Variants in SNX10 observed in about 807,000 individuals in gnomAD.
SNX10 encodes sorting nexin 10.
A neutral mutation model predicts 28.5 loss-of-function variants in SNX10; 25 were observed. The observed-to-expected ratio is 0.88, with a 90% confidence interval of 0.64 to 1.22. The LOEUF (loss-of-function observed/expected upper bound fraction) is 1.22. Among genes scored for constraint, SNX10 ranks in the 50% most tolerant of loss-of-function variants. The pLI, the probability that SNX10 is intolerant of heterozygous loss-of-function variation, is 0.00. For missense variants in SNX10, 223 were observed against 242.6 expected (o/e 0.92, Z 0.54); for synonymous variants, 62 against 81.4 (o/e 0.76, Z 1.28).
chr7:26,311,510 G>T (rs915441224), intron 1 of SNX10, among the ~76,000 whole-genome samples: 1 of 152,124 alleles, frequency 6.6e-6, no homozygotes, highest in Non-Finnish European at 1.5e-5. Flanking sequence ...CTGTTGCACT[G>T]GGGGGAGGGA....
Position 26,345,083 on chromosome 7 carries a change from A to G in SNX10, c.-23-1337A>G, listed in dbSNP as rs570299737. On this transcript the variant is annotated intron_variant, in intron 1 of 6. Transcript: ENST00000338523. ...TCTTTCTCTTATATGGGCACTTGCC[A>G]TCAGATTTAGGGTTCACTCCAGTCA... Among the ~76,000 whole-genome samples the G allele has an allele frequency of 3.9e-5, 6 of 152,254 alleles. No homozygotes were observed. The South Asian group carries it at 1.2e-3, about 32-fold the overall frequency.
intron 1 of SNX10, among the ~76,000 whole-genome samples, chr7:26,311,946 A>G (rs1353910735): frequency 2.0e-5 from 3 of 152,064 alleles, no homozygotes; most frequent in African/African-American, 7.3e-5. Context: ...TTGTGTCTGC[A>G]CCAGGCTCTG....
Position 26,367,662 on chromosome 7 carries a change from C to G in SNX10, c.311+2517C>G, listed in dbSNP as rs34132944. Among the ~76,000 whole-genome samples, 911 of 152,212 alleles carry G rather than the reference C, an allele frequency of 6.0e-3. 4 individuals are homozygous for G. The highest frequency in any genetic ancestry group is 9.3e-3 in the Non-Finnish European group (634 of 68,014). The stretch of plus-strand genomic sequence containing the variant: ...AGGTAGTACCCTCCATGTCTTTGCC[C>G]CTGGTGCCCCCTCCCCTCACCCAAC... On this transcript the variant is annotated intron_variant, in intron 5 of 6. Transcript: ENST00000338523.
At chr7:26,368,226 G>T (rs1336905421) in intron 5 of SNX10, among the ~76,000 whole-genome samples, 4 of 152,170 alleles carry the variant, frequency 2.6e-5, no homozygotes, top group African/African-American at 9.7e-5. Context: ...TTATAGGAAA[G>T]ATGGACATAC....
intron 1 of SNX10, among the ~76,000 whole-genome samples, chr7:26,325,306 A>AATATATATATATATCTATAT (rs1787459032): frequency 1.9e-5 from 1 of 51,334 alleles, no homozygotes; most frequent in Non-Finnish European, 5.6e-5. Flanking sequence ...AAGTTTGCAA[A>AATATATATATATATCTATAT]ATATATATAT....
At chr7:26,363,307 G>A (rs1473640693) in intron 3 of SNX10, among the ~76,000 whole-genome samples, 3 of 152,130 alleles carry the variant, frequency 2.0e-5, no homozygotes, top group Middle Eastern at 3.2e-3. Context: ...CAAAGCATAA[G>A]CATACCAGGA....
chr7:26,309,099 C>T (rs1342042880), intron 1 of SNX10, among the ~76,000 whole-genome samples: 1 of 152,180 alleles, frequency 6.6e-6, no homozygotes, highest in Admixed American at 6.5e-5. Flanking sequence ...TCATGGGGGA[C>T]TGGGCCCCTC....
Position 26,365,094 on chromosome 7 carries a change from A to ACG in SNX10, c.260_261insCG (p.Arg88ValfsTer39). 6.2e-7 allele frequency: 1 copy of ACG among 1,613,466 alleles called. No homozygotes were observed. Among genetic ancestry groups the ACG allele is most frequent in the Non-Finnish European group, 8.5e-7 (1 of 1,179,414 alleles). ...AAAAACCTGTTTTTCAACATGAACA[A>ACG]TCGCCAGCACGTGGATCAGCGTCGC... On this transcript the variant is annotated frameshift_variant, in exon 5 of 7. Coordinates refer to ENST00000338523, the MANE Select transcript of SNX10 (RefSeq NM_013322.3). LOFTEE classifies it high-confidence loss of function.
intron 1 of SNX10, among the ~76,000 whole-genome samples, chr7:26,321,261 A>G (rs958040331): frequency 5.9e-5 from 9 of 152,122 alleles, no homozygotes; most frequent in African/African-American, 1.7e-4. Flanking sequence ...ATTTCTGCCT[A>G]TTTCATCCTT....
chr7:26,296,270 A>G (rs1367882062), intron 1 of SNX10, among the ~76,000 whole-genome samples: 1 of 151,714 alleles, frequency 6.6e-6, no homozygotes, highest in Non-Finnish European at 1.5e-5. Context: ...AGACTAAAAG[A>G]GTTGGGTTCT....
chr7:26,344,152 A>C (rs944015370), intron 1 of SNX10, among the ~76,000 whole-genome samples: 4 of 128,212 alleles, frequency 3.1e-5, no homozygotes, highest in African/African-American at 8.8e-5. Flanking sequence ...CTTGGCAGCC[A>C]CCATTCTACT....
rs1205002207 is a variant in SNX10, at chr7:26,365,080, T to G, written c.246T>G (p.Phe82Leu). The change falls in exon 5 of 7, where the codon TTT becomes TTG. Residue 82 changes from phenylalanine (F) to leucine (L), a missense_variant. Transcript: ENST00000338523. ...QLPELPSKNLFFNMNNRQHVD... is the reference protein window; with the variant it reads ...QLPELPSKNLLFNMNNRQHVD... ...CAGAACTTCCATCTAAAAACCTGTT[T>G]TTCAACATGAACAATCGCCAGCACG... is the stretch of plus-strand genomic sequence containing the variant. 5 of 1,612,916 alleles carry G rather than the reference T, an allele frequency of 3.1e-6. No individual in the cohort carries two copies. Among genetic ancestry groups the G allele is most frequent in the African/African-American group, 1.3e-5 (1 of 74,916 alleles).
At chr7:26,341,163 G>A (rs999297376) in intron 1 of SNX10, among the ~76,000 whole-genome samples, 3 of 152,128 alleles carry the variant, frequency 2.0e-5, no homozygotes, top group Admixed American at 2.0e-4. Context: ...GTCAGGCATG[G>A]TGGCTTGTTC....
intron 5 of SNX10, among the ~76,000 whole-genome samples, chr7:26,368,134 G>A (rs114727140): frequency 1.3e-3 from 196 of 152,200 alleles, no homozygotes; most frequent in African/African-American, 4.5e-3. Context: ...CACTTTCTAC[G>A]TGTTTGGCAT....
At chr7:26,334,910 T>TTC in intron 1 of SNX10, among the ~76,000 whole-genome samples, 1 of 152,216 alleles carries the variant, frequency 6.6e-6, no homozygotes, top group East Asian at 1.9e-4. Context: ...TTGCAGATGG[T>TTC]TCTGCTTGCT....
chr7:26,360,278 G>C (rs1339441157), intron 2 of SNX10, among the ~76,000 whole-genome samples: 1 of 151,842 alleles, frequency 6.6e-6, no homozygotes, highest in Non-Finnish European at 1.5e-5. Flanking sequence ...TTTGATACAG[G>C]GTCTCGCTCT....
intron 1 of SNX10, among the ~76,000 whole-genome samples, chr7:26,311,657 A>G (rs1786857964): frequency 6.6e-6 from 1 of 152,086 alleles, no homozygotes; most frequent in African/African-American, 2.4e-5. Context: ...TTACTTTTCA[A>G]TTAAATTTTG....
At chr7:26,301,050 C>T (rs902414760) in intron 1 of SNX10, among the ~76,000 whole-genome samples, 6 of 141,422 alleles carry the variant, frequency 4.2e-5, no homozygotes, top group Non-Finnish European at 7.6e-5. Context: ...AAAAAGCCAT[C>T]ATCTCTCAGT....
intron 2 of SNX10, among the ~76,000 whole-genome samples, chr7:26,358,462 G>A (rs1028241785): frequency 1.3e-5 from 2 of 152,114 alleles, no homozygotes; most frequent in Non-Finnish European, 2.9e-5. Context: ...ATACTGGCTG[G>A]GGCACAGTGG....
Sources: allele counts gnomAD v4.1 joint callset (sites outside exome capture counted in the v4.1 genomes callset), GRCh38; gene constraint gnomAD v4.1.1; transcripts MANE v1.5; gene names NCBI Gene and HGNC (gene_info 2026-07-23, HGNC 2026-07-21).